The following PDK1 variants were observed in gnomAD, a reference collection of about 807,000 sequenced individuals.
PDK1 encodes the protein pyruvate dehydrogenase kinase 1.
Under a neutral mutation model 54.2 loss-of-function variants are expected in PDK1, and 39 were observed. The observed-to-expected ratio is 0.72, with a 90% CI of 0.56 to 0.94. The LOEUF (loss-of-function observed/expected upper bound fraction) is 0.94, where lower values mean the gene tolerates loss of function less well. PDK1 is among the 40% of genes least tolerant of loss of function. The pLI, the probability that PDK1 is intolerant of heterozygous loss-of-function variation, is 0.00. For synonymous variants in PDK1, 221 were observed against 207.1 expected (o/e 1.07, Z -0.58); for missense variants, 552 against 566.0 (o/e 0.98, Z 0.25).
chr2:172,589,520 C>A (rs775818982), intron 9 of PDK1, among the ~76,000 whole-genome samples: 2 of 152,216 alleles, frequency 1.3e-5, no homozygotes, highest in Non-Finnish European at 2.9e-5. Flanking sequence ...TTGACTTCCT[C>A]TGAACTCCTG....
chr2:172,685,855 T>C, the PDK1 span, among the ~76,000 whole-genome samples: 516 of 152,314 alleles, frequency 3.4e-3, 2 homozygotes, highest in African/African-American at 0.012. Context: ...TTCAGCATCG[T>C]ATTGCTGCTC....
intron 8 of PDK1, 69 bp from the exon 9 acceptor site, chr2:172,586,209 A>G (rs1228918243): frequency 5.9e-6 from 5 of 851,952 alleles, no homozygotes; most frequent in South Asian, 1.4e-5. Context: ...CTGTGATGCT[A>G]TGAGTATGTG....
Position 172,573,575 on chromosome 2 carries a change from A to ATG in PDK1, c.945+2759_945+2760dup, listed in dbSNP as rs1239580520. On this transcript the variant is annotated intron_variant, in intron 8 of 10. Transcript: ENST00000282077. ...TGTATATATACGCATATATACATAT[A>ATG]TGTGTGTGTATATATATACACCCTA... Among the ~76,000 whole-genome samples, 6 of 151,420 alleles carry ATG rather than the reference A, an allele frequency of 4.0e-5. No homozygotes were observed. The East Asian group carries it at 9.7e-4, about 24-fold the overall frequency.
At chr2:172,708,801 T>C in the PDK1 span, among the ~76,000 whole-genome samples, 1 of 152,240 alleles carries the variant, frequency 6.6e-6, no homozygotes, top group African/African-American at 2.4e-5. Context: ...ATTTCATTTT[T>C]CCCTTGGGAA....
In PDK1 at chr2:172,586,262, C is replaced by T. The variant is rs556502015; in HGVS notation, c.946-16C>T. ...TGAGGATTTGGGCATAGAGCACGAT[C>T]CTTTTCTTACCTTAGATGAGTGACC... On this transcript the variant is annotated splice_polypyrimidine_tract_variant and intron_variant, in intron 8 of 10. Transcript: ENST00000282077. The T allele has an allele frequency of 6.5e-7, 1 of 1,535,884 alleles. No individual in the cohort carries two copies. The highest frequency in any genetic ancestry group is 1.7e-5 in the Admixed American group (1 of 59,844).
the PDK1 span, among the ~76,000 whole-genome samples, chr2:172,670,324 C>G: frequency 1.3e-5 from 2 of 152,122 alleles, no homozygotes; most frequent in Non-Finnish European, 2.9e-5. Context: ...AGGAACATTT[C>G]CATAATTTGA....
chr2:172,706,675 C>A, the PDK1 span, among the ~76,000 whole-genome samples: 3 of 152,174 alleles, frequency 2.0e-5, no homozygotes, highest in African/African-American at 7.2e-5. Context: ...GTGATCTGCC[C>A]GCCTCAGCCT....
chr2:172,633,235 A>T, the PDK1 span, among the ~76,000 whole-genome samples: 636 of 151,198 alleles, frequency 4.2e-3, 2 homozygotes, highest in African/African-American at 0.014. Context: ...TTTTTTAGAG[A>T]TAGGGTCTCA....
intron 8 of PDK1, among the ~76,000 whole-genome samples, chr2:172,574,856 TCTCTGCAAA>T (rs1689491647): frequency 6.6e-6 from 1 of 152,198 alleles, no homozygotes; most frequent in African/African-American, 2.4e-5. Context: ...AATGATCATG[TCTCTGCAAA>T]AAGATGTAAG....
the PDK1 span, among the ~76,000 whole-genome samples, chr2:172,671,692 G>A: frequency 6.6e-6 from 1 of 152,068 alleles, no homozygotes; most frequent in Non-Finnish European, 1.5e-5. Context: ...CTGAGCACAC[G>A]TGAGTCATAA....
the PDK1 span, among the ~76,000 whole-genome samples, chr2:172,722,099 C>G: frequency 6.6e-6 from 1 of 152,272 alleles, no homozygotes; most frequent in Non-Finnish European, 1.5e-5. Flanking sequence ...TTCCTCCATG[C>G]TCCTTCCCTT....
At chr2:172,638,362 T>C in the PDK1 span, among the ~76,000 whole-genome samples, 7 of 152,346 alleles carry the variant, frequency 4.6e-5, no homozygotes, top group African/African-American at 1.7e-4. Context: ...CTTGCTGACA[T>C]ACATTTCCAA....
At chr2:172,560,884 G>A (rs1688620197) in intron 2 of PDK1, among the ~76,000 whole-genome samples, 1 of 152,156 alleles carries the variant, frequency 6.6e-6, no homozygotes, top group Admixed American at 6.6e-5. Flanking sequence ...GTTGCCCAGA[G>A]TTAAGTCTTA....
intron 8 of PDK1, among the ~76,000 whole-genome samples, chr2:172,581,770 A>G (rs1413767090): frequency 1.3e-5 from 2 of 152,122 alleles, no homozygotes; most frequent in African/African-American, 4.8e-5. Flanking sequence ...AATTATTGAC[A>G]TTTTTTACCT....
At chr2:172,562,595 C>T (rs567834213) in intron 3 of PDK1, 9 of 638,918 alleles carry the variant, frequency 1.4e-5, no homozygotes, top group African/African-American at 1.3e-4. Context: ...CCTTCAGCCC[C>T]AGCTGATCTT....
chr2:172,570,720 T>C lies in PDK1; in HGVS notation c.847-6T>C. ...GTATTTTTAATACAACCCTAATGTATTTCAGAATGCAATGAGAGCCACTAT... is the reference window on the plus strand; with the variant it reads ...GTATTTTTAATACAACCCTAATGTACTTCAGAATGCAATGAGAGCCACTAT... On this transcript the variant is annotated splice_region_variant and splice_polypyrimidine_tract_variant and intron_variant, in intron 7 of 10. Coordinates refer to ENST00000282077, the MANE Select transcript of PDK1 (RefSeq NM_002610.5). The C allele has an allele frequency of 6.4e-7, 1 of 1,553,808 alleles. No homozygotes were observed. Among genetic ancestry groups the C allele is most frequent in the Non-Finnish European group, 8.9e-7 (1 of 1,128,330 alleles).
downstream of PDK1, among the ~76,000 whole-genome samples, chr2:172,611,955 C>T (rs541197044): frequency 6.6e-6 from 1 of 152,344 alleles, no homozygotes; most frequent in South Asian, 2.1e-4. Context: ...TTTCATATCT[C>T]ACCTTGTAAA....
the PDK1 span, among the ~76,000 whole-genome samples, chr2:172,690,910 G>A: frequency 6.7e-6 from 1 of 149,930 alleles, no homozygotes; most frequent in African/African-American, 2.4e-5. Flanking sequence ...ATGAGTTGAT[G>A]GGTACAGCAA....
rs1163899972 is a variant in PDK1 at position 172,570,775 on chromosome 2, C to T, written c.896C>T (p.Pro299Leu). Reference sequence around the variant, plus strand: ...CACCATGCCAACAGAGGTGTTTACCCCCCTATTCAAGTTCATGTCACGCTG... The same window carrying T: ...CACCATGCCAACAGAGGTGTTTACCTCCCTATTCAAGTTCATGTCACGCTG... ...MEHHANRGVY[P>L]PIQVHVTLGN... The change falls in exon 8 of 11, where the codon CCC becomes CTC. Residue 299 changes from proline (P) to leucine (L), a missense_variant. By Grantham distance (98) the Pro-to-Leu change is moderately conservative. Coordinates refer to ENST00000282077, the MANE Select transcript of PDK1 (RefSeq NM_002610.5). The T allele has an allele frequency of 3.7e-6, 6 of 1,612,106 alleles. No individual in the cohort carries two copies. Among genetic ancestry groups the T allele is most frequent in the African/African-American group, 1.3e-5 (1 of 74,856 alleles).
Sources: allele counts gnomAD v4.1 joint callset (sites outside exome capture counted in the v4.1 genomes callset), GRCh38; gene constraint gnomAD v4.1.1; transcripts MANE v1.5; gene names NCBI Gene and HGNC (gene_info 2026-07-23, HGNC 2026-07-21).